CLEC2A: variants seen among roughly 807,000 people sequenced by gnomAD.
The protein encoded by CLEC2A is C-type lectin domain family 2 member A.
A neutral mutation model predicts 18.6 loss-of-function variants in CLEC2A; 19 were observed. That is an observed-to-expected ratio of 1.02 (90% CI 0.71 to 1.50). The LOEUF is 1.50. Ranked by LOEUF, CLEC2A falls within the 40% of genes most tolerant of loss-of-function variation. The pLI, the probability that CLEC2A is intolerant of heterozygous loss-of-function variation, is 0.00. For synonymous variants in CLEC2A, 74 were observed against 64.0 expected (o/e 1.16, Z -0.75); for missense variants, 190 against 207.9 (o/e 0.91, Z 0.53).
the CLEC2A span, chr12:9,893,105 G>A: frequency 1.3e-6 from 2 of 1,535,668 alleles, no homozygotes; most frequent in Non-Finnish European, 1.7e-6. Context: ...CGTGGAAAGA[G>A]AGTCAACGTG....
downstream of CLEC2A, among the ~76,000 whole-genome samples, chr12:9,896,397 G>C (rs1277441958): frequency 6.6e-6 from 1 of 151,128 alleles, no homozygotes; most frequent in Non-Finnish European, 1.5e-5. Context: ...AATTATGCTT[G>C]TACCCTTTAA....
At chr12:9,880,157 T>C in the CLEC2A span, among the ~76,000 whole-genome samples, 21,373 of 152,212 alleles carry the variant, frequency 0.14, 2,480 homozygotes, top group East Asian at 0.34. Context: ...AACAGAAGTT[T>C]GGACAATATG....
intron 2 of CLEC2A, among the ~76,000 whole-genome samples, chr12:9,924,729 T>C (rs1209485602): frequency 6.6e-6 from 1 of 152,218 alleles, no homozygotes; most frequent in East Asian, 1.9e-4. Flanking sequence ...TTGTTTTTTT[T>C]CATTTAACTT....
intron 1 of CLEC2A, among the ~76,000 whole-genome samples, chr12:9,928,505 A>G (rs1863316568): frequency 6.6e-6 from 1 of 152,052 alleles, no homozygotes; most frequent in Admixed American, 6.6e-5. Context: ...GGAAAGAAAG[A>G]AAGAAAGAAA....
At chr12:9,891,662 A>G in the CLEC2A span, among the ~76,000 whole-genome samples, 1 of 152,114 alleles carries the variant, frequency 6.6e-6, no homozygotes, top group Non-Finnish European at 1.5e-5. Flanking sequence ...GTTATCCTGA[A>G]TCTTTTCAAT....
At chr12:9,893,648 T>C in the CLEC2A span, 1 of 447,968 alleles carries the variant, frequency 2.2e-6, no homozygotes, top group African/African-American at 2.0e-5. Context: ...TTTTCCCTTA[T>C]CTTTACATTT....
chr12:9,885,153 A>G, the CLEC2A span: 7 of 337,076 alleles, frequency 2.1e-5, no homozygotes, highest in Admixed American at 3.3e-4. Flanking sequence ...TCATATTATA[A>G]AATTATATTA....
At chr12:9,881,208 T>C in the CLEC2A span, among the ~76,000 whole-genome samples, 3 of 152,146 alleles carry the variant, frequency 2.0e-5, no homozygotes, top group African/African-American at 7.2e-5. Flanking sequence ...ATTTGTTCTG[T>C]TTGTTTAGAG....
the CLEC2A span, among the ~76,000 whole-genome samples, chr12:9,881,004 CA>C: frequency 1.3e-5 from 2 of 152,152 alleles, no homozygotes; most frequent in Admixed American, 1.3e-4. Flanking sequence ...AACAAACAAA[CA>C]AACAAAAAAG....
chr12:9,923,832 A>G (rs951628391), intron 2 of CLEC2A, among the ~76,000 whole-genome samples: 9 of 152,182 alleles, frequency 5.9e-5, no homozygotes, highest in Non-Finnish European at 1.3e-4. Context: ...GCAAGGACAG[A>G]AAACCAAACA....
the CLEC2A span, among the ~76,000 whole-genome samples, chr12:9,887,202 C>T: frequency 6.6e-6 from 1 of 151,826 alleles, no homozygotes; most frequent in Non-Finnish European, 1.5e-5. Flanking sequence ...AACCAAAAAA[C>T]ATGAGTTTTC....
At chr12:9,890,108 A>C in the CLEC2A span, among the ~76,000 whole-genome samples, 1 of 152,188 alleles carries the variant, frequency 6.6e-6, no homozygotes, top group Admixed American at 6.5e-5. Flanking sequence ...AGATTATATT[A>C]AAGTAGTGAC....
chr12:9,918,052 GT>G, intron 3 of CLEC2A, among the ~76,000 whole-genome samples: 1 of 152,050 alleles, frequency 6.6e-6, no homozygotes, highest in East Asian at 1.9e-4. Context: ...TAGTTTGTCT[GT>G]TTACTGTGTT....
At chr12:9,921,261 T>G (rs991987657) in intron 3 of CLEC2A, among the ~76,000 whole-genome samples, 1 of 152,220 alleles carries the variant, frequency 6.6e-6, no homozygotes, top group African/African-American at 2.4e-5. Context: ...TGACCGCCTG[T>G]GCAGTCAAAA....
chr12:9,916,913 C>T, intron 3 of CLEC2A, 110 bp from the exon 4 acceptor site: 5 of 678,704 alleles, frequency 7.4e-6, no homozygotes, highest in Non-Finnish European at 1.3e-5. Context: ...TCTAATTTGT[C>T]TTCCCTGATG....
the CLEC2A span, chr12:9,888,697 A>T: frequency 8.1e-7 from 1 of 1,238,898 alleles, no homozygotes; most frequent in Non-Finnish European, 1.1e-6. Context: ...TTGATTTTTA[A>T]ATGTTTCTCA....
At chr12:9,890,461 A>G in the CLEC2A span, among the ~76,000 whole-genome samples, 1 of 152,282 alleles carries the variant, frequency 6.6e-6, no homozygotes, top group East Asian at 1.9e-4. Context: ...TGTAGGGTAC[A>G]GGTTACTGCT....
intron 4 of CLEC2A, among the ~76,000 whole-genome samples, chr12:9,903,096 T>G (rs113671108): frequency 1.5e-3 from 228 of 152,062 alleles, no homozygotes; most frequent in African/African-American, 5.4e-3. Context: ...CAAGAAGTTT[T>G]GGCCTCTGAA....
At chr12:9,880,519 C>T in the CLEC2A span, among the ~76,000 whole-genome samples, 6 of 142,280 alleles carry the variant, frequency 4.2e-5, no homozygotes, top group African/African-American at 1.4e-4. Flanking sequence ...GAACCATTAG[C>T]ATGTGTGTGT....
Sources: allele counts gnomAD v4.1 joint callset (sites outside exome capture counted in the v4.1 genomes callset), GRCh38; gene constraint gnomAD v4.1.1; transcripts MANE v1.5; gene names NCBI Gene and HGNC (gene_info 2026-07-23, HGNC 2026-07-21).